FAM210A: variants seen among roughly 807,000 people sequenced by gnomAD.
FAM210A encodes the protein family with sequence similarity 210 member A.
In FAM210A, 13 loss-of-function variants were observed where a neutral mutation model predicts 25.3. The observed-to-expected ratio is 0.51, with a 90% CI of 0.33 to 0.82. The LOEUF is 0.82. Among genes scored for constraint, FAM210A ranks in the 40% least tolerant of loss-of-function variants. The probability of loss-of-function intolerance (pLI) is 0.02; values close to 1 mark genes in which losing one functional copy is unlikely to be tolerated. For missense variants in FAM210A, 319 were observed against 323.2 expected (o/e 0.99, Z 0.10); for synonymous variants, 125 against 118.7 (o/e 1.05, Z -0.35).
At chr18:13,703,173 T>C (rs2043754125) in intron 1 of FAM210A, among the ~76,000 whole-genome samples, 1 of 152,212 alleles carries the variant, frequency 6.6e-6, no homozygotes, top group Non-Finnish European at 1.5e-5. Context: ...ATTTTTTACT[T>C]TTGGGGGTAT....
At chr18:13,674,042 T>C (rs3016706) in intron 2 of FAM210A, among the ~76,000 whole-genome samples, 5 of 147,840 alleles carry the variant, frequency 3.4e-5, no homozygotes, top group African/African-American at 7.6e-5. Context: ...TCCTGAGCCC[T>C]GGCTTCTTTA....
intron 1 of FAM210A, among the ~76,000 whole-genome samples, chr18:13,722,043 A>T (rs2043901340): frequency 4.6e-5 from 7 of 152,104 alleles, no homozygotes. Flanking sequence ...AAATCTGGGA[A>T]CTGATTGAGG....
At chr18:13,669,759 T>A (rs533439197) in intron 3 of FAM210A, among the ~76,000 whole-genome samples, 5 of 152,220 alleles carry the variant, frequency 3.3e-5, no homozygotes, top group Non-Finnish European at 5.9e-5. Context: ...GTACCTAGAA[T>A]GGTACCTAGC....
At position 13,666,502 on chromosome 18, in the gene FAM210A, G is replaced by C. The variant is rs1343851840; in HGVS notation, c.797C>G (p.Ser266Cys). ...ACCTTATTCCACTTTTTTCTTAAAG[G>C]AAACTTTTTCTTTGGTTTCTTGTAA... is the stretch of plus-strand genomic sequence containing the variant. ...EKLQETKEKVSFKKKVE is the reference protein window; with the variant it reads ...EKLQETKEKVCFKKKVE Residue 266 changes from serine (S) to cysteine (C), a missense_variant, in exon 4 of 4, where the codon TCC becomes TGC. Ser to Cys is a moderately radical substitution (Grantham distance 112). Coordinates refer to ENST00000651643, the MANE Select transcript of FAM210A (RefSeq NM_152352.4). 6.2e-7 allele frequency: 1 copy of C among 1,613,456 alleles called. No homozygotes were observed. The highest frequency in any genetic ancestry group is 8.5e-7 in the Non-Finnish European group (1 of 1,179,778).
At chr18:13,705,152 T>A (rs2043767895) in intron 1 of FAM210A, among the ~76,000 whole-genome samples, 1 of 152,226 alleles carries the variant, frequency 6.6e-6, no homozygotes, top group Admixed American at 6.5e-5. Context: ...CTTTGCCAGA[T>A]TTTCACGTTA....
At chr18:13,682,617 C>T (rs371529709) in intron 1 of FAM210A, among the ~76,000 whole-genome samples, 3 of 152,066 alleles carry the variant, frequency 2.0e-5, no homozygotes, top group East Asian at 3.9e-4. Flanking sequence ...GCCTGTAATC[C>T]CAGAATTTTG....
At position 13,682,046 on chromosome 18, in the gene FAM210A, C is replaced by G. The variant is rs200198941; in HGVS notation, c.32G>C (p.Arg11Pro). The change falls in exon 2 of 4, where the codon CGA becomes CCA. Residue 11 changes from arginine (R) to proline (P), a missense_variant. Transcript: ENST00000651643. ...TTCCAAGCATGTCCTGCGTGCCAGT[C>G]GAGATACAGTCCGTGGTACATTCCA... MQWNVPRTVSRLARRTCLEPH... is the reference protein window; with the variant it reads MQWNVPRTVSPLARRTCLEPH... The G allele has an allele frequency of 1.2e-6, 2 of 1,609,110 alleles. No homozygotes were observed. The highest frequency in any genetic ancestry group is 1.7e-5 in the Admixed American group (1 of 59,582).
chr18:13,690,060 A>C (rs1434682432), intron 1 of FAM210A, among the ~76,000 whole-genome samples: 1 of 152,168 alleles, frequency 6.6e-6, no homozygotes, highest in Non-Finnish European at 1.5e-5. Flanking sequence ...TCCCACCCTA[A>C]TACTGCGCTT....
At chr18:13,679,037 A>C (rs896142869) in intron 2 of FAM210A, among the ~76,000 whole-genome samples, 1 of 152,250 alleles carries the variant, frequency 6.6e-6, no homozygotes, top group Admixed American at 6.5e-5. Flanking sequence ...TCAGTTTAAA[A>C]TAAAATCTAT....
At chr18:13,721,522 T>C (rs1402858555) in intron 1 of FAM210A, among the ~76,000 whole-genome samples, 1 of 152,250 alleles carries the variant, frequency 6.6e-6, no homozygotes, top group Non-Finnish European at 1.5e-5. Context: ...CCTCCTGGAA[T>C]GCGGTATTGC....
In FAM210A at chr18:13,666,605, G is replaced by C; in HGVS notation, c.694C>G (p.Leu232Val). The C allele has an allele frequency of 6.2e-7, 1 of 1,614,120 alleles. No homozygotes were observed. The highest frequency in any genetic ancestry group is 8.5e-7 in the Non-Finnish European group (1 of 1,180,038). ...TTTGTCTCTTCCATCCTGTCCTGCA[G>C]ATACTCCTTGACGGGTGGCGGCGTG... is the stretch of plus-strand genomic sequence containing the variant. Reference protein sequence around the residue: ...MSTPPPVKEYLQDRMEETKEL... With the variant: ...MSTPPPVKEYVQDRMEETKEL... Residue 232 changes from leucine to valine, a missense_variant, in exon 4 of 4, where the codon CTG (leucine) becomes GTG (valine). Physicochemically the swap from Leu to Val is conservative, Grantham distance 32. Coordinates refer to ENST00000651643, the MANE Select transcript of FAM210A (RefSeq NM_152352.4).
chr18:13,723,548 C>G (rs142517312), intron 1 of FAM210A, among the ~76,000 whole-genome samples: 11 of 152,306 alleles, frequency 7.2e-5, no homozygotes, highest in Middle Eastern at 3.4e-3. Flanking sequence ...AAAATACTGT[C>G]TTCTTCAGGA....
At chr18:13,703,974 C>T (rs2043759868) in intron 1 of FAM210A, among the ~76,000 whole-genome samples, 1 of 152,076 alleles carries the variant, frequency 6.6e-6, no homozygotes, top group Admixed American at 6.6e-5. Flanking sequence ...GAGAAACAAT[C>T]TTGTATGGTA....
chr18:13,720,383 T>A (rs80005545), intron 1 of FAM210A, among the ~76,000 whole-genome samples: 1,889 of 152,168 alleles, frequency 0.012, 42 homozygotes, highest in African/African-American at 0.04. Flanking sequence ...TTTAGGTCAC[T>A]CAGTAAACAA....
chr18:13,691,189 G>T (rs1452863384), intron 1 of FAM210A, among the ~76,000 whole-genome samples: 2 of 152,186 alleles, frequency 1.3e-5, no homozygotes, highest in African/African-American at 4.8e-5. Context: ...AATGAAGCAA[G>T]AAGAGAAGTT....
chr18:13,702,130 G>A (rs140832549), intron 1 of FAM210A, among the ~76,000 whole-genome samples: 40 of 152,212 alleles, frequency 2.6e-4, no homozygotes, highest in African/African-American at 9.2e-4. Context: ...AGGTCACAGG[G>A]CCACTCAGAG....
At chr18:13,679,948 AG>A (rs993438495) in intron 2 of FAM210A, among the ~76,000 whole-genome samples, 5 of 152,246 alleles carry the variant, frequency 3.3e-5, no homozygotes, top group African/African-American at 1.2e-4. Flanking sequence ...GAAAAGTAAA[AG>A]GAACAAAAAT....
intron 1 of FAM210A, among the ~76,000 whole-genome samples, chr18:13,717,552 G>C (rs571162359): frequency 1.3e-5 from 2 of 149,934 alleles, no homozygotes; most frequent in African/African-American, 2.5e-5. Context: ...CTGCATGACA[G>C]ACTGTGAAAA....
At chr18:13,697,110 A>G (rs1318448186) in intron 1 of FAM210A, among the ~76,000 whole-genome samples, 1 of 152,248 alleles carries the variant, frequency 6.6e-6, no homozygotes, top group Non-Finnish European at 1.5e-5. Context: ...AGGCTGTACC[A>G]TCTAGGTTTG....
Sources: allele counts gnomAD v4.1 joint callset (sites outside exome capture counted in the v4.1 genomes callset), GRCh38; gene constraint gnomAD v4.1.1; transcripts MANE v1.5; gene names NCBI Gene and HGNC (gene_info 2026-07-23, HGNC 2026-07-21).